Variants in ENDOD1 observed in about 807,000 individuals in gnomAD.
The protein encoded by ENDOD1 is endonuclease domain containing 1, also known as endonuclease domain-containing 1 protein.
ENDOD1 carries 9 observed loss-of-function variants against 6.5 expected under a neutral mutation model. The observed-to-expected ratio is 1.39, with a 90% confidence interval of 0.84 to 2.43. ENDOD1 has a LOEUF of 2.43. Among genes scored for constraint, ENDOD1 ranks in the 30% most tolerant of loss-of-function variants. The pLI is 0.00. For missense variants in ENDOD1, 648 were observed against 635.5 expected (o/e 1.02, Z -0.21); for synonymous variants, 255 against 255.2 (o/e 1.00, Z 0.01).
chr11:95,089,900 C>A lies in ENDOD1; in HGVS notation c.-28C>A. Reference sequence around the variant, plus strand: ...CTCGCGCCGCGGCAGCCCAGCCGCTCGGCCCCGCCGCGCTCGCAGAGGCCG... The same window carrying A: ...CTCGCGCCGCGGCAGCCCAGCCGCTAGGCCCCGCCGCGCTCGCAGAGGCCG... On this transcript the variant is annotated 5_prime_UTR_variant, in exon 1 of 2. Transcript: ENST00000278505. 1 of 1,311,624 alleles carries A rather than the reference C, an allele frequency of 7.6e-7. No homozygotes were observed. The highest frequency in any genetic ancestry group is 9.7e-7 in the Non-Finnish European group (1 of 1,027,810). The allele number at this position is 1,311,624 out of a possible 1,614,324, so 81.2% of individuals were successfully genotyped here. A position where few individuals can be genotyped will look rare whatever the true frequency, so the allele number is the denominator to read the frequency against.
At chr11:95,125,333 T>C (rs1591020768) in intron 1 of ENDOD1, among the ~76,000 whole-genome samples, 1 of 152,352 alleles carries the variant, frequency 6.6e-6, no homozygotes, top group East Asian at 1.9e-4. Flanking sequence ...TTGGCTCTGC[T>C]ATATCCTGAT....
intron 1 of ENDOD1, among the ~76,000 whole-genome samples, chr11:95,124,593 T>G (rs1464192913): frequency 1.3e-5 from 2 of 152,212 alleles, no homozygotes; most frequent in African/African-American, 4.8e-5. Context: ...TGCTTTGCCT[T>G]GGAAGGCCCA....
chr11:95,118,856 TTTC>T (rs1859236029), intron 1 of ENDOD1, among the ~76,000 whole-genome samples: 1 of 152,098 alleles, frequency 6.6e-6, no homozygotes, highest in Non-Finnish European at 1.5e-5. Context: ...TTTTATTCTT[TTTC>T]TTTTGTCTCT....
chr11:95,129,109 T>A lies in ENDOD1; in HGVS notation c.1033T>A (p.Leu345Ile). ...TACCCCATTCATCAAGCTTTTTCAA[T>A]TAATTTATTACCTTGTGGTAGCAAT... is the stretch of plus-strand genomic sequence containing the variant. The part of the protein sequence containing the change: ...IATPFIKLFQ[L>I]IYYLVVAILK... The change falls in exon 2 of 2, where the codon TTA (leucine) becomes ATA (isoleucine). Residue 345 changes from leucine to isoleucine, a missense_variant. Physicochemically the swap from Leu to Ile is conservative, Grantham distance 5. Transcript: ENST00000278505. The A allele has an allele frequency of 6.2e-7, 1 of 1,614,170 alleles. No homozygotes were observed. Among genetic ancestry groups the A allele is most frequent in the Middle Eastern group, 1.6e-4 (1 of 6,062 alleles).
Position 95,128,247 on chromosome 11 carries a change from G to A in ENDOD1, c.301-130G>A, listed in dbSNP as rs1859330629. 27 of 1,071,028 alleles carry A rather than the reference G, an allele frequency of 2.5e-5. 1 individual carries two copies. The South Asian group carries it at 4.1e-4, about 16-fold the overall frequency. 66.3% of individuals were successfully genotyped at this position (1,071,028 alleles called of 1,614,324 possible). On this transcript the variant is annotated intron_variant, in intron 1 of 1. Transcript: ENST00000278505. The stretch of plus-strand genomic sequence containing the variant: ...AAGTGTCCATGTGCCAGAGAACCAA[G>A]TCCTTCCAAACTCAAGCGTTTGAAG...
chr11:95,124,962 G>GTTCTCTCTCATTTAC (rs1219384452), intron 1 of ENDOD1, among the ~76,000 whole-genome samples: 9 of 152,072 alleles, frequency 5.9e-5, no homozygotes, highest in African/African-American at 2.2e-4. Context: ...TGCCATGCAC[G>GTTCTCTCTCATTTAC]TTCTCTCTCA....
At chr11:95,095,045 A>G (rs1278238552) in intron 1 of ENDOD1, among the ~76,000 whole-genome samples, 17 of 79,970 alleles carry the variant, frequency 2.1e-4, no homozygotes, top group Non-Finnish European at 3.1e-4. Flanking sequence ...GTGTGCACGC[A>G]CACACACACA....
At chr11:95,096,912 C>T (rs181827147) in intron 1 of ENDOD1, among the ~76,000 whole-genome samples, 30 of 152,198 alleles carry the variant, frequency 2.0e-4, no homozygotes, top group African/African-American at 7.0e-4. Flanking sequence ...CCTGTAATCC[C>T]ACTACTTTGG....
intron 1 of ENDOD1, among the ~76,000 whole-genome samples, chr11:95,116,418 T>C (rs1310881728): frequency 6.6e-6 from 1 of 152,188 alleles, no homozygotes; most frequent in African/African-American, 2.4e-5. Flanking sequence ...AAGTCAGTTT[T>C]GTTCAACTTT....
In ENDOD1 at chr11:95,090,041, C is replaced by T. The variant is rs1555109649; in HGVS notation, c.114C>T (p.Phe38=). 1 of 1,600,400 alleles carries T rather than the reference C, an allele frequency of 6.2e-7. No homozygotes were observed. The highest frequency in any genetic ancestry group is 8.5e-7 in the Non-Finnish European group (1 of 1,174,770). The change falls in exon 1 of 2, where the codon TTC becomes TTT. Residue 38 remains phenylalanine, a synonymous_variant. Transcript: ENST00000278505. ...GCTTTGGCGAATGTGACAAGTTCTT[C>T]TACGCCGGGACCCCGCCTGCGGGGC... The part of the protein sequence containing the change: ...EAGFGECDKF[F]YAGTPPAGLA...
chr11:95,095,961 G>C (rs1296624523), intron 1 of ENDOD1, among the ~76,000 whole-genome samples: 3 of 152,120 alleles, frequency 2.0e-5, no homozygotes, highest in Non-Finnish European at 2.9e-5. Flanking sequence ...TTCTTTGGAT[G>C]GTTTATGGTT....
intron 1 of ENDOD1, among the ~76,000 whole-genome samples, chr11:95,127,658 G>A (rs573203635): frequency 6.6e-6 from 1 of 151,610 alleles, no homozygotes; most frequent in East Asian, 1.9e-4. Context: ...TGGCTTTATG[G>A]GCCTGTTGAG....
intron 1 of ENDOD1, among the ~76,000 whole-genome samples, chr11:95,114,728 T>C (rs114779493): frequency 0.025 from 3,807 of 152,288 alleles, 148 homozygotes; most frequent in African/African-American, 0.087. Context: ...TTAGTTTTCC[T>C]GGCCCCATTT....
intron 1 of ENDOD1, among the ~76,000 whole-genome samples, chr11:95,124,392 C>G (rs1859291724): frequency 2.0e-5 from 3 of 152,206 alleles, no homozygotes; most frequent in African/African-American, 7.2e-5. Flanking sequence ...CATCACTATA[C>G]AGGTATAGTA....
chr11:95,113,020 CTT>C (rs560876736), intron 1 of ENDOD1, among the ~76,000 whole-genome samples: 2 of 141,646 alleles, frequency 1.4e-5, no homozygotes, highest in African/African-American at 2.6e-5. Flanking sequence ...ATTACTGAAG[CTT>C]TTTTTTTTTT....
rs1190821069 is a variant in ENDOD1 at position 95,089,882 on chromosome 11, C to T, written c.-46C>T. The stretch of plus-strand genomic sequence containing the variant: ...CCCGCCCAGCCTGCAGAGCTCGCGC[C>T]GCGGCAGCCCAGCCGCTCGGCCCCG... On this transcript the variant is annotated 5_prime_UTR_variant, in exon 1 of 2. Transcript: ENST00000278505. 1 of 1,290,580 alleles carries T rather than the reference C, an allele frequency of 7.7e-7. No homozygotes were observed. The highest frequency in any genetic ancestry group is 1.6e-5 in the African/African-American group (1 of 64,168). 79.9% of individuals were successfully genotyped at this position (1,290,580 alleles called of 1,614,324 possible).
intron 1 of ENDOD1, among the ~76,000 whole-genome samples, chr11:95,098,584 C>T (rs782320748): frequency 9.2e-5 from 14 of 152,130 alleles, no homozygotes; most frequent in African/African-American, 1.4e-4. Flanking sequence ...AAAGGTACTC[C>T]GTTTTGGGCA....
In ENDOD1 at chr11:95,090,156, G is replaced by A. The variant is rs1459578758; in HGVS notation, c.229G>A (p.Val77Met). The stretch of plus-strand genomic sequence containing the variant: ...CTACAGCACCCGGGACCGCATCCCC[G>A]TGTACTCCGCGTTCCGCGCCCCGCG... ...TLYSTRDRIP[V>M]YSAFRAPRPA... is the part of the protein sequence containing the mutation. Residue 77 changes from valine to methionine, a missense_variant, in exon 1 of 2, where the codon GTG becomes ATG. Val to Met is a conservative substitution (Grantham distance 21, BLOSUM62 1). Coordinates refer to ENST00000278505, the MANE Select transcript of ENDOD1 (RefSeq NM_015036.3). The A allele has an allele frequency of 1.4e-6, 2 of 1,476,586 alleles. No homozygotes were observed. The highest frequency in any genetic ancestry group is 1.8e-6 in the Non-Finnish European group (2 of 1,103,184). The allele number at this position is 1,476,586 out of a possible 1,614,324, so 91.5% of individuals were successfully genotyped here.
chr11:95,096,413 G>A (rs1226571314), intron 1 of ENDOD1, among the ~76,000 whole-genome samples: 3 of 151,836 alleles, frequency 2.0e-5, no homozygotes, highest in African/African-American at 4.8e-5. Context: ...CTGACTCATA[G>A]GCTGAACCAA....
Sources: gnomAD v4.1 joint callset for allele counts (sites outside exome capture counted in the v4.1 genomes callset) on GRCh38, gnomAD v4.1.1 for gene constraint, MANE v1.5 for transcripts, NCBI Gene and HGNC (gene_info 2026-07-23, HGNC 2026-07-21) for gene names.